CACNA1C: variants seen among roughly 807,000 people sequenced by gnomAD.
CACNA1C encodes the protein calcium voltage-gated channel subunit alpha1 C.
Under a neutral mutation model 229.0 loss-of-function variants are expected in CACNA1C, and 30 were observed. That is an observed-to-expected ratio of 0.13 (90% confidence interval 0.10 to 0.18). CACNA1C has a LOEUF of 0.18. CACNA1C is among the 10% of genes least tolerant of loss of function. CACNA1C has a pLI of 1.00. For synonymous variants in CACNA1C, 1,114 were observed against 1,132.5 expected (o/e 0.98, Z 0.33); for missense variants, 1,658 against 2,845.0 (o/e 0.58, Z 9.49).
In CACNA1C at chr12:2,422,350, G is replaced by A. The variant is rs1567593004; in HGVS notation, c.478-26626G>A. On this transcript the variant is annotated intron_variant, in intron 3 of 46. Transcript: ENST00000399655. ...ACCCACGGAGGGCAGAATCATTTCTGCAGACAAGTCTATGAACCAAGCTGA... is the reference window on the plus strand; with the variant it reads ...ACCCACGGAGGGCAGAATCATTTCTACAGACAAGTCTATGAACCAAGCTGA... 3.3e-5 allele frequency among the ~76,000 whole-genome samples: 5 copies of A among 152,164 alleles called. No individual in the cohort carries two copies. The South Asian group carries it at 1.0e-3, about 32-fold the overall frequency.
chr12:2,500,511 C>A lies in CACNA1C; in HGVS notation c.1114-4331C>A, dbSNP rs1449148047. On this transcript the variant is annotated intron_variant, in intron 7 of 46. Transcript: ENST00000399655. ...TTTCATTTTGAGGAAGTTGCCTGGG[C>A]GCCATCGAGCCCAACTCCCACTCGC... is the stretch of plus-strand genomic sequence containing the variant. Among the ~76,000 whole-genome samples the A allele has an allele frequency of 2.0e-5, 3 of 152,192 alleles. No individual in the cohort carries two copies. In the South Asian group the frequency reaches 6.2e-4, roughly 32 times the overall value.
At chr12:2,134,820 G>A (rs1306270717) in intron 3 of CACNA1C, among the ~76,000 whole-genome samples, 10 of 84,048 alleles carry the variant, frequency 1.2e-4, no homozygotes, top group Admixed American at 2.6e-4. Flanking sequence ...TCTTTGTGGC[G>A]TTCTCTGTAT....
At chr12:2,000,470 T>TA (rs71441668) in intron 1 of CACNA1C, among the ~76,000 whole-genome samples, 20,008 of 146,172 alleles carry the variant, frequency 0.14, 1,469 homozygotes, top group Admixed American at 0.19. Context: ...TTTTCTTAAT[T>TA]AAAAAAAAAA....
intron 3 of CACNA1C, among the ~76,000 whole-genome samples, chr12:2,303,382 C>T (rs998112152): frequency 1.3e-5 from 2 of 152,124 alleles, no homozygotes; most frequent in African/African-American, 4.8e-5. Context: ...TCTGTGCGTC[C>T]GTGTTCACAC....
rs2076262356 is a variant in CACNA1C at position 2,608,437 on chromosome 12, G to A, written c.3357-74G>A. ...CACCCTGATCCCTGGGATCCCTGGAGCAGTGGTGCCGTCCTTCCGCAGAGG... is the reference window on the plus strand; with the variant it reads ...CACCCTGATCCCTGGGATCCCTGGAACAGTGGTGCCGTCCTTCCGCAGAGG... On this transcript the variant is annotated intron_variant, in intron 26 of 46. Coordinates refer to ENST00000399655, the MANE Select transcript of CACNA1C (RefSeq NM_000719.7). The surrounding 1 kb of genome is among the most constrained non-coding windows in gnomAD (Gnocchi z 4.2). 8.9e-7 allele frequency: 1 copy of A among 1,123,590 alleles called. No homozygotes were observed. The highest frequency in any genetic ancestry group is 1.3e-6 in the Non-Finnish European group (1 of 783,526). 69.6% of individuals were successfully genotyped at this position (1,123,590 alleles called of 1,614,324 possible).
intron 3 of CACNA1C, among the ~76,000 whole-genome samples, 196 bp from the exon 4 acceptor site, chr12:2,448,780 T>C (rs1316037811): frequency 1.3e-5 from 2 of 151,874 alleles, no homozygotes; most frequent in Non-Finnish European, 2.9e-5. Context: ...AAAAATCCTG[T>C]AATCCCCAGT....
chr12:2,518,007 C>A (rs1169129490), intron 9 of CACNA1C, among the ~76,000 whole-genome samples: 2 of 152,216 alleles, frequency 1.3e-5, no homozygotes, highest in Non-Finnish European at 2.9e-5. Flanking sequence ...AACAGACAGA[C>A]AGACAGTGGA....
At chr12:2,583,580 G>A (rs139738415) in intron 15 of CACNA1C, among the ~76,000 whole-genome samples, 1 of 152,288 alleles carries the variant, frequency 6.6e-6, no homozygotes, top group African/African-American at 2.4e-5. Flanking sequence ...TCTGGGCCAA[G>A]TCCCAGCTAA....
intron 10 of CACNA1C, chr12:2,550,607 C>T: frequency 2.2e-6 from 3 of 1,351,516 alleles, no homozygotes; most frequent in Non-Finnish European, 2.9e-6. Context: ...CGACTGTAAA[C>T]TCACCCTGGC....
chr12:2,000,949 A>G (rs2042052827), intron 1 of CACNA1C, among the ~76,000 whole-genome samples: 1 of 152,214 alleles, frequency 6.6e-6, no homozygotes, highest in African/African-American at 2.4e-5. Flanking sequence ...AGGCAGGAGA[A>G]TAGCTTGAAC....
At chr12:2,569,991 C>T (rs1331315195) in intron 13 of CACNA1C, among the ~76,000 whole-genome samples, 3 of 152,198 alleles carry the variant, frequency 2.0e-5, no homozygotes, top group African/African-American at 2.4e-5. Flanking sequence ...AGGAAAACAT[C>T]AGAGGGTCTC....
At chr12:2,326,176 G>GGA (rs146916366) in intron 3 of CACNA1C, among the ~76,000 whole-genome samples, 12 of 152,122 alleles carry the variant, frequency 7.9e-5, no homozygotes, top group Non-Finnish European at 1.8e-4. Flanking sequence ...TGACGAGGGA[G>GGA]GAGAGAGAGA....
chr12:2,692,105 G>C lies in CACNA1C; in HGVS notation c.*906G>C, dbSNP rs2097795710. ...TTTCTTGTATTATTTAAACGGTTGT[G>C]GTTTCCTTTTTCCACGGAGGTTCAA... On this transcript the variant is annotated 3_prime_UTR_variant, in exon 47 of 47. Coordinates refer to ENST00000399655, the MANE Select transcript of CACNA1C (RefSeq NM_000719.7). 2 of 152,144 alleles carry C rather than the reference G, an allele frequency of 1.3e-5. No homozygotes were observed. Among genetic ancestry groups the C allele is most frequent in the Admixed American group, 1.3e-4 (2 of 15,272 alleles). 9.4% of individuals were successfully genotyped at this position (152,144 alleles called of 1,614,324 possible). A position where few individuals can be genotyped will look rare whatever the true frequency, so the allele number is the denominator to read the frequency against.
chr12:2,521,242 G>A (rs2099809283), intron 9 of CACNA1C, among the ~76,000 whole-genome samples: 1 of 152,232 alleles, frequency 6.6e-6, no homozygotes, highest in Admixed American at 6.5e-5. Context: ...AGGCTGTGTG[G>A]AGGGGCCTAT....
chr12:2,145,319 C>A (rs2094603906), intron 3 of CACNA1C, among the ~76,000 whole-genome samples: 1 of 150,972 alleles, frequency 6.6e-6, no homozygotes, highest in Admixed American at 6.7e-5. Context: ...TCATTTTCTC[C>A]AGTGTAGAAT....
chr12:2,657,197 TAGTTATG>T, intron 34 of CACNA1C, among the ~76,000 whole-genome samples: 1 of 152,328 alleles, frequency 6.6e-6, no homozygotes. Flanking sequence ...ATGAAGTTTA[TAGTTATG>T]AGTTATGAAC....
chr12:2,242,790 T>C lies in CACNA1C; in HGVS notation c.477+122360T>C, dbSNP rs567679007. ...TAAATGAGAGCAATAATATTTGGCTTGTCCAATAATCTACCATGGTACAGC... is the reference window on the plus strand; with the variant it reads ...TAAATGAGAGCAATAATATTTGGCTCGTCCAATAATCTACCATGGTACAGC... On this transcript the variant is annotated intron_variant, in intron 3 of 46. Coordinates refer to ENST00000399655, the MANE Select transcript of CACNA1C (RefSeq NM_000719.7). Among the ~76,000 whole-genome samples, 5 of 152,350 alleles carry C rather than the reference T, an allele frequency of 3.3e-5. No homozygotes were observed. The East Asian group carries it at 9.6e-4, about 29-fold the overall frequency.
Position 2,585,248 on chromosome 12 carries a change from A to C in CACNA1C, c.2340-128A>C. 2 of 835,894 alleles carry C rather than the reference A, an allele frequency of 2.4e-6. No homozygotes were observed. The highest frequency in any genetic ancestry group is 3.5e-6 in the Non-Finnish European group (2 of 565,834). 51.8% of individuals were successfully genotyped at this position (835,894 alleles called of 1,614,324 possible). Reference sequence around the variant, plus strand: ...ACACGAGAAGCGTCCTGGAGAAAGGAAGATGGACTCAGACCCAGGGGATCT... The same window carrying C: ...ACACGAGAAGCGTCCTGGAGAAAGGCAGATGGACTCAGACCCAGGGGATCT... On this transcript the variant is annotated intron_variant, in intron 16 of 46. Coordinates refer to ENST00000399655, the MANE Select transcript of CACNA1C (RefSeq NM_000719.7). The surrounding 1 kb of genome is among the most constrained non-coding windows in gnomAD (Gnocchi z 4.1).
chr12:2,329,810 A>G (rs1471771799), intron 3 of CACNA1C, among the ~76,000 whole-genome samples: 4 of 152,150 alleles, frequency 2.6e-5, no homozygotes, highest in Non-Finnish European at 5.9e-5. Context: ...TCACTCTCAT[A>G]GTCCTTGTAG....
Sources: allele counts gnomAD v4.1 joint callset (sites outside exome capture counted in the v4.1 genomes callset), GRCh38; gene constraint gnomAD v4.1.1; non-coding constraint Gnocchi (gnomAD v3.1); transcripts MANE v1.5; gene names NCBI Gene and HGNC (gene_info 2026-07-23, HGNC 2026-07-21).